The following KIF15 variants were observed in gnomAD, a reference collection of about 807,000 sequenced individuals.
KIF15 encodes kinesin-like protein KIF15.
Under a neutral mutation model 190.6 loss-of-function variants are expected in KIF15, and 140 were observed. The ratio of observed to expected loss-of-function variants is 0.73; its 90% CI spans 0.64 to 0.84. The LOEUF is 0.84. Ranked by LOEUF, KIF15 falls within the 40% of genes least tolerant of loss-of-function variation. The pLI is 0.00. For missense variants in KIF15, 1,372 were observed against 1,584.4 expected, an observed-to-expected ratio of 0.87 and a Z score of 2.28; for synonymous variants, 528 against 551.3, an observed-to-expected ratio of 0.96 and a Z score of 0.59.
chr3:44,861,367 A>T (rs1478185068), intron 6 of KIF15, among the ~76,000 whole-genome samples: 2 of 152,244 alleles, frequency 1.3e-5, no homozygotes, highest in Admixed American at 6.5e-5. Context: ...ATTATGGATC[A>T]TTGTCTTCCT....
chr3:44,824,829 G>A (rs1018925920), intron 20 of KIF15, among the ~76,000 whole-genome samples: 2 of 152,122 alleles, frequency 1.3e-5, no homozygotes, highest in African/African-American at 4.8e-5. Context: ...GCATAAACAC[G>A]GCTTACTGCA....
chr3:44,831,712 GTA>G (rs1207856887), intron 26 of KIF15, among the ~76,000 whole-genome samples: 2 of 152,142 alleles, frequency 1.3e-5, no homozygotes, highest in Non-Finnish European at 2.9e-5. Context: ...TTAAAAATTA[GTA>G]TATAAGCTAG....
chr3:44,806,329 G>C (rs1707499189), intron 16 of KIF15, among the ~76,000 whole-genome samples: 1 of 152,192 alleles, frequency 6.6e-6, no homozygotes, highest in South Asian at 2.1e-4. Context: ...AGATAGATAA[G>C]CTGCCTGGTA....
rs772658010 is a variant in KIF15 at position 44,830,971 on chromosome 3, G to A, written c.3124G>A (p.Asp1042Asn). ...CAAGAAGCAGGAAGTGGATATTCTGGATCTGAAAGAAACCCTTAGGCTGAG... is the reference window on the plus strand; with the variant it reads ...CAAGAAGCAGGAAGTGGATATTCTGAATCTGAAAGAAACCCTTAGGCTGAG... ...LIKKQEVDILDLKETLRLRIL... is the reference protein window; with the variant it reads ...LIKKQEVDILNLKETLRLRIL... The change falls in exon 26 of 35, where the codon GAT becomes AAT. Residue 1042 changes from aspartate to asparagine, a missense_variant. Transcript: ENST00000326047. 52 of 1,613,874 alleles carry A rather than the reference G, an allele frequency of 3.2e-5. No homozygotes were observed. Among genetic ancestry groups the A allele is most frequent in the Non-Finnish European group, 4.2e-5 (50 of 1,179,954 alleles).
chr3:44,842,267 A>C (rs755230222), intron 29 of KIF15, among the ~76,000 whole-genome samples: 1 of 151,640 alleles, frequency 6.6e-6, no homozygotes, highest in East Asian at 1.9e-4. Context: ...GCTTCCTCAT[A>C]GTGTTTTTAC....
chr3:44,776,027 C>A (rs887336521), intron 3 of KIF15, among the ~76,000 whole-genome samples: 1 of 149,600 alleles, frequency 6.7e-6, no homozygotes, highest in African/African-American at 2.5e-5. Flanking sequence ...TTGCAGTGAG[C>A]GGAGATCGCA....
chr3:44,855,967 A>G (rs148161566), downstream of KIF15, among the ~76,000 whole-genome samples: 1,773 of 152,174 alleles, frequency 0.012, 32 homozygotes, highest in African/African-American at 0.039. Context: ...TTAAAAGACC[A>G]TTAGTCCGTT....
intron 5 of KIF15, among the ~76,000 whole-genome samples, chr3:44,784,250 C>T (rs1425658683): frequency 2.6e-5 from 4 of 152,198 alleles, no homozygotes; most frequent in Admixed American, 6.5e-5. Context: ...CGGCTCACTG[C>T]AAGCTCCGCC....
intron 11 of KIF15, among the ~76,000 whole-genome samples, chr3:44,801,030 C>T (rs1201417060): frequency 1.4e-5 from 2 of 146,234 alleles, no homozygotes; most frequent in Admixed American, 6.9e-5. Flanking sequence ...TTTTTTGAGA[C>T]GCAGTCTCTC....
rs949273190 is a variant in KIF15, at chr3:44,828,234, A to G, written c.2877A>G (p.Leu959=). 2.5e-6 allele frequency: 4 copies of G among 1,613,488 alleles called. No homozygotes were observed. The East Asian group carries it at 8.9e-5, about 36-fold the overall frequency. ...CEQQMAKVQK[L]EESLLATEKV... ...CATAGATGGCAAAAGTACAGAAACT[A>G]GAAGAGAGCTTGCTTGCTACTGAAA... The change falls in exon 24 of 35, where the codon CTA becomes CTG. Residue 959 remains leucine, a synonymous_variant. Coordinates refer to ENST00000326047, the MANE Select transcript of KIF15 (RefSeq NM_020242.3).
chr3:44,801,362 C>A, intron 11 of KIF15, 88 bp from the exon 12 acceptor site: 1 of 760,960 alleles, frequency 1.3e-6, no homozygotes, highest in South Asian at 1.7e-5. Flanking sequence ...TAGTTGAGAG[C>A]AATCAATTAA....
intron 4 of KIF15, among the ~76,000 whole-genome samples, chr3:44,779,411 A>G (rs994920363): frequency 6.6e-6 from 1 of 152,196 alleles, no homozygotes; most frequent in Non-Finnish European, 1.5e-5. Context: ...TTCTCAGCAG[A>G]CAGAGCTAGG....
downstream of KIF15, among the ~76,000 whole-genome samples, chr3:44,854,258 GC>G (rs1699156474): frequency 6.6e-6 from 1 of 151,942 alleles, no homozygotes; most frequent in South Asian, 2.1e-4. Flanking sequence ...GGTGGCGCAT[GC>G]CTGTAATCCC....
chr3:44,802,866 GGGA>G lies in KIF15; in HGVS notation c.1567_1569del (p.Glu523del), dbSNP rs776197074. ...TATGCTATGGAAAATCATTCCCTCAGGGAGGAGAATAGAAGACTGAGATTATTA... is the reference window on the plus strand; with the variant it reads ...TATGCTATGGAAAATCATTCCCTCAGGGAGAATAGAAGACTGAGATTATTA... On this transcript the variant is annotated inframe_deletion, in exon 14 of 35. Coordinates refer to ENST00000326047, the MANE Select transcript of KIF15 (RefSeq NM_020242.3). 6.2e-7 allele frequency: 1 copy of G among 1,609,148 alleles called. No homozygotes were observed. Among genetic ancestry groups the G allele is most frequent in the Admixed American group, 1.7e-5 (1 of 58,416 alleles).
At position 44,830,006 on chromosome 3, in the gene KIF15, G is replaced by A; in HGVS notation, c.2979G>A (p.Glu993=). 6.3e-7 allele frequency: 1 copy of A among 1,598,036 alleles called. No homozygotes were observed. Among genetic ancestry groups the A allele is most frequent in the Non-Finnish European group, 8.5e-7 (1 of 1,173,874 alleles). ...VVADLMNQIQ[E]LRTSVCEKTE... is the part of the protein sequence containing the mutation. ...CTGACCTCATGAACCAGATCCAGGA[G>A]CTAAGAACATCGGTCTGTGAGAAAA... Residue 993 remains glutamate, a synonymous_variant, in exon 25 of 35, where the codon GAG becomes GAA. Transcript: ENST00000326047.
chr3:44,801,720 G>T, intron 12 of KIF15, 45 bp from the exon 13 acceptor site: 1 of 1,274,354 alleles, frequency 7.8e-7, no homozygotes, highest in South Asian at 1.3e-5. Flanking sequence ...ATTTAGGGAA[G>T]TCAAATTATT....
intron 26 of KIF15, among the ~76,000 whole-genome samples, chr3:44,832,139 T>G (rs983965933): frequency 6.6e-6 from 1 of 152,120 alleles, no homozygotes; most frequent in Non-Finnish European, 1.5e-5. Context: ...TCTAAAGACC[T>G]CCTCAGAAGA....
chr3:44,851,994 CAAAT>C (rs1373703431), intron 33 of KIF15, 42 bp downstream of exon 33: 5 of 1,575,546 alleles, frequency 3.2e-6, no homozygotes, highest in Non-Finnish European at 3.5e-6. Context: ...TTAGAACACT[CAAAT>C]GAATAGAACT....
chr3:44,843,419 C>T (rs780194465), intron 30 of KIF15, among the ~76,000 whole-genome samples, 185 bp downstream of exon 30: 1 of 151,952 alleles, frequency 6.6e-6, no homozygotes, highest in Non-Finnish European at 1.5e-5. Flanking sequence ...CTCTGCAGTG[C>T]GTTTTTGGCA....
Sources: allele counts gnomAD v4.1 joint callset (sites outside exome capture counted in the v4.1 genomes callset), GRCh38; gene constraint gnomAD v4.1.1; transcripts MANE v1.5; gene names NCBI Gene and HGNC (gene_info 2026-07-23, HGNC 2026-07-21).